Variants in MTFR1 observed in about 807,000 individuals in gnomAD.
MTFR1 encodes mitochondrial fission regulator 1, also known as chondrocyte protein with a poly-proline region.
MTFR1 carries 28 observed loss-of-function variants against 38.8 expected under a neutral mutation model. The ratio of observed to expected loss-of-function variants is 0.72; its 90% CI spans 0.53 to 0.99. MTFR1 has a LOEUF of 0.99. Ranked by LOEUF, MTFR1 falls within the 50% of genes least tolerant of loss-of-function variation. The pLI, the probability that MTFR1 is intolerant of heterozygous loss-of-function variation, is 0.00. For synonymous variants in MTFR1, 145 were observed against 137.0 expected, an observed-to-expected ratio of 1.06 and a Z score of -0.41; for missense variants, 358 against 395.5, an observed-to-expected ratio of 0.91 and a Z score of 0.81.
At chr8:65,712,469 A>G (rs575809578), downstream of MTFR1, among the ~76,000 whole-genome samples, 5 of 152,346 alleles carry the variant, frequency 3.3e-5, no homozygotes, top group South Asian at 1.0e-3. Flanking sequence ...GAGCTCAAAT[A>G]AAGATGTTAT....
intron 4 of MTFR1, among the ~76,000 whole-genome samples, chr8:65,699,841 G>A (rs760465093): frequency 9.2e-5 from 14 of 152,090 alleles, no homozygotes; most frequent in Admixed American, 2.6e-4. Context: ...GTTGCAGTTT[G>A]TTTTTCTGCC....
intron 3 of MTFR1, chr8:65,724,744 C>G (rs1354326301): frequency 1.3e-6 from 2 of 1,551,798 alleles, no homozygotes; most frequent in Admixed American, 1.9e-5. Context: ...ATAATTTATC[C>G]TAGAAATAGA....
chr8:65,694,326 T>C (rs1311531779), intron 4 of MTFR1, among the ~76,000 whole-genome samples: 1 of 152,022 alleles, frequency 6.6e-6, no homozygotes, highest in Non-Finnish European at 1.5e-5. Flanking sequence ...CCACCCGCCT[T>C]GCCCTCCTAA....
chr8:65,680,960 C>T (rs1186820363), intron 2 of MTFR1, among the ~76,000 whole-genome samples: 1 of 139,028 alleles, frequency 7.2e-6, no homozygotes, highest in Non-Finnish European at 1.5e-5. Context: ...GGCCGGACTG[C>T]GGACTGCAGT....
intron 1 of MTFR1, among the ~76,000 whole-genome samples, chr8:65,654,991 G>C (rs780061253): frequency 6.6e-6 from 1 of 152,116 alleles, no homozygotes; most frequent in Admixed American, 6.5e-5. Flanking sequence ...AACATTTTTA[G>C]TCATTGTTGA....
At chr8:65,660,012 G>A (rs758579048) in intron 1 of MTFR1, among the ~76,000 whole-genome samples, 27 of 152,048 alleles carry the variant, frequency 1.8e-4, no homozygotes, top group Admixed American at 1.6e-3. Context: ...TCTGTGGGCC[G>A]GGCATCGTGG....
chr8:65,757,478 GT>G (rs1243071691), intron 3 of MTFR1, among the ~76,000 whole-genome samples: 3 of 152,152 alleles, frequency 2.0e-5, no homozygotes, highest in East Asian at 3.9e-4. Context: ...GGTTTGTAGG[GT>G]TTTTTTAGAT....
Position 65,653,438 on chromosome 8 carries a change from G to A in MTFR1, c.-81+8654G>A, listed in dbSNP as rs900836593. ...GAGGCCCAAGAATCGCTTGACCCCGGGAGGTGGAGGTTGCAGTTAGCTGTT... is the reference window on the plus strand; with the variant it reads ...GAGGCCCAAGAATCGCTTGACCCCGAGAGGTGGAGGTTGCAGTTAGCTGTT... On this transcript the variant is annotated intron_variant, in intron 1 of 7. Coordinates refer to ENST00000262146, the MANE Select transcript of MTFR1 (RefSeq NM_014637.4). Among the ~76,000 whole-genome samples the A allele has an allele frequency of 4.6e-5, 7 of 152,254 alleles. No homozygotes were observed. The East Asian group carries it at 9.7e-4, about 21-fold the overall frequency.
chr8:65,651,837 G>C (rs573119352), intron 1 of MTFR1, among the ~76,000 whole-genome samples: 1 of 152,168 alleles, frequency 6.6e-6, no homozygotes, highest in South Asian at 2.1e-4. Flanking sequence ...TTGATATTTT[G>C]ATAGACATTT....
intron 3 of MTFR1, chr8:65,727,422 T>C (rs1806656978): frequency 2.2e-6 from 3 of 1,391,202 alleles, no homozygotes; most frequent in Non-Finnish European, 2.9e-6. Flanking sequence ...CTTCACGTCA[T>C]TCCTCAGGTG....
chr8:65,690,509 G>A (rs1805242729), intron 3 of MTFR1, among the ~76,000 whole-genome samples: 1 of 152,196 alleles, frequency 6.6e-6, no homozygotes, highest in South Asian at 2.1e-4. Flanking sequence ...CAACCTGAGT[G>A]ACAGAGTGAG....
At chr8:65,756,677 C>T (rs963871628) in intron 3 of MTFR1, among the ~76,000 whole-genome samples, 1 of 151,972 alleles carries the variant, frequency 6.6e-6, no homozygotes, top group Non-Finnish European at 1.5e-5. Flanking sequence ...TCCATGTTTT[C>T]TTTTAGTTCA....
intron 4 of MTFR1, among the ~76,000 whole-genome samples, chr8:65,699,010 G>A (rs1412610740): frequency 6.6e-6 from 1 of 152,184 alleles, no homozygotes. Flanking sequence ...TTATAGGTGT[G>A]AGCTACTGCG....
chr8:65,735,918 C>T (rs569202612), intron 3 of MTFR1, among the ~76,000 whole-genome samples: 2 of 152,162 alleles, frequency 1.3e-5, no homozygotes, highest in African/African-American at 4.8e-5. Flanking sequence ...AGCCACCATG[C>T]CCGGCCGTAT....
At chr8:65,761,110 A>C (rs1808473377) in intron 3 of MTFR1, among the ~76,000 whole-genome samples, 1 of 151,324 alleles carries the variant, frequency 6.6e-6, no homozygotes, top group Non-Finnish European at 1.5e-5. Flanking sequence ...CGTAGGCTAG[A>C]GTGCAGTGGC....
At chr8:65,695,897 T>A (rs1391112294) in intron 4 of MTFR1, among the ~76,000 whole-genome samples, 1 of 152,112 alleles carries the variant, frequency 6.6e-6, no homozygotes, top group Non-Finnish European at 1.5e-5. Context: ...GTACCCTGAG[T>A]GAAGCCAGCA....
chr8:65,667,060 G>A (rs1804402371), intron 1 of MTFR1, among the ~76,000 whole-genome samples: 1 of 152,090 alleles, frequency 6.6e-6, no homozygotes, highest in African/African-American at 2.4e-5. Context: ...ATCGCCTGAG[G>A]TGAGGTCAGG....
At chr8:65,683,915 A>G (rs965253909) in intron 3 of MTFR1, among the ~76,000 whole-genome samples, 1 of 152,216 alleles carries the variant, frequency 6.6e-6, no homozygotes, top group African/African-American at 2.4e-5. Flanking sequence ...TTTAGACATG[A>G]ACTGCTCTTA....
chr8:65,753,569 A>G (rs1405804454), intron 3 of MTFR1, among the ~76,000 whole-genome samples: 2 of 152,046 alleles, frequency 1.3e-5, no homozygotes, highest in Non-Finnish European at 2.9e-5. Flanking sequence ...GTGTCCTAAC[A>G]TATGGTCTAT....
Sources: allele counts gnomAD v4.1 joint callset (sites outside exome capture counted in the v4.1 genomes callset), GRCh38; gene constraint gnomAD v4.1.1; transcripts MANE v1.5; gene names NCBI Gene and HGNC (gene_info 2026-07-23, HGNC 2026-07-21).